PARVB: variants seen among roughly 807,000 people sequenced by gnomAD.
PARVB encodes beta-parvin.
In PARVB, 46 loss-of-function variants were observed where a neutral mutation model predicts 47.0. The ratio of observed to expected loss-of-function variants is 0.98; its 90% confidence interval spans 0.77 to 1.25. The LOEUF is 1.25. Ranked by LOEUF, PARVB falls within the 50% of genes most tolerant of loss-of-function variation. The probability of loss-of-function intolerance (pLI) is 0.00; values close to 1 mark genes in which losing one functional copy is unlikely to be tolerated. For synonymous variants in PARVB, 196 were observed against 196.3 expected (o/e 1.00, Z 0.01); for missense variants, 473 against 471.6 (o/e 1.00, Z -0.03).
At chr22:44,160,937 G>A (rs80209607) in intron 11 of PARVB, among the ~76,000 whole-genome samples, 7 of 152,312 alleles carry the variant, frequency 4.6e-5, no homozygotes, top group Admixed American at 1.3e-4. Context: ...CTCCCTCAGC[G>A]TGGAAGAGGA....
rs944631274 is a variant in PARVB, at chr22:44,049,542, G to A, written c.112+25091G>A. On this transcript the variant is annotated intron_variant, in intron 1 of 12. Transcript: ENST00000338758. This position sits in a 1 kb window ranked among gnomAD's most constrained non-coding sequence, Gnocchi z 4.0. ...AGAGGATGCACTGCGTGCAGGCTGC[G>A]GCTCGAGGTCAATCAGATTCCTCCA... Among the ~76,000 whole-genome samples, 9 of 152,232 alleles carry A rather than the reference G, an allele frequency of 5.9e-5. No homozygotes were observed. Among genetic ancestry groups the A allele is most frequent in the East Asian group, 3.8e-4 (2 of 5,200 alleles).
At chr22:44,022,442 G>A (rs539651101), upstream of PARVB, among the ~76,000 whole-genome samples, 1 of 152,192 alleles carries the variant, frequency 6.6e-6, no homozygotes, top group South Asian at 2.1e-4. Flanking sequence ...CACGCTACAC[G>A]GCCACTGTGT....
intron 2 of PARVB, among the ~76,000 whole-genome samples, chr22:44,005,891 C>A (rs1294058236): frequency 6.6e-6 from 1 of 152,212 alleles, no homozygotes; most frequent in Non-Finnish European, 1.5e-5. Flanking sequence ...ACTTCTGTTT[C>A]AATATATCTG....
chr22:44,015,239 G>A (rs2050563739), intron 2 of PARVB, among the ~76,000 whole-genome samples: 1 of 151,996 alleles, frequency 6.6e-6, no homozygotes, highest in African/African-American at 2.4e-5. Flanking sequence ...GACAGATAGT[G>A]AGGGTGAAAG....
intron 9 of PARVB, chr22:44,151,079 C>A (rs2053797103): frequency 6.6e-6 from 1 of 152,092 alleles, no homozygotes; most frequent in Non-Finnish European, 1.4e-5. Context: ...TGGCTCAAGG[C>A]AGCACTTTCC....
chr22:44,093,480 A>G (rs1281963476), intron 1 of PARVB, among the ~76,000 whole-genome samples: 1 of 152,052 alleles, frequency 6.6e-6, no homozygotes, highest in Non-Finnish European at 1.5e-5. Context: ...CTCCAGATTC[A>G]CCTGTATGCA....
intron 8 of PARVB, chr22:44,140,484 C>G (rs776819999): frequency 6.4e-6 from 4 of 629,334 alleles, no homozygotes; most frequent in Admixed American, 5.5e-5. Flanking sequence ...GGAGGAGAGG[C>G]AGCCAGCACA....
chr22:44,018,979 A>G (rs190240324), intron 2 of PARVB, among the ~76,000 whole-genome samples: 3 of 152,338 alleles, frequency 2.0e-5, no homozygotes, highest in Admixed American at 6.5e-5. Flanking sequence ...GTGCAATGGC[A>G]TGATCTTGGC....
intron 10 of PARVB, chr22:44,152,254 A>G (rs2053827221): frequency 1.3e-5 from 2 of 150,964 alleles, no homozygotes; most frequent in African/African-American, 2.4e-5. Context: ...GGTTCCAACC[A>G]TTCTCCTGCC....
intron 1 of PARVB, among the ~76,000 whole-genome samples, chr22:44,024,848 C>T (rs2050702635): frequency 6.6e-6 from 1 of 152,166 alleles, no homozygotes; most frequent in Admixed American, 6.5e-5. Flanking sequence ...TGGGCAGACA[C>T]GGCCTGGGGG....
At chr22:44,163,482 A>T (rs1338446109) in intron 11 of PARVB, among the ~76,000 whole-genome samples, 2 of 152,084 alleles carry the variant, frequency 1.3e-5, no homozygotes, top group African/African-American at 4.8e-5. Context: ...AAAAAACGTA[A>T]ATAAATAAAT....
chr22:44,091,254 G>GGTT (rs2052159218), intron 1 of PARVB, among the ~76,000 whole-genome samples: 1 of 150,106 alleles, frequency 6.7e-6, no homozygotes, highest in Non-Finnish European at 1.5e-5. Flanking sequence ...CTGGAATGTG[G>GGTT]GTTACCTGGA....
intron 2 of PARVB, among the ~76,000 whole-genome samples, chr22:44,098,327 TCC>T (rs1461033365): frequency 4.6e-5 from 7 of 152,058 alleles, no homozygotes; most frequent in Non-Finnish European, 8.8e-5. Flanking sequence ...GCACACAAAG[TCC>T]TCTTTGGGGC....
intron 1 of PARVB, among the ~76,000 whole-genome samples, chr22:44,078,537 A>G (rs2051827576): frequency 6.6e-6 from 1 of 152,146 alleles, no homozygotes; most frequent in African/African-American, 2.4e-5. Flanking sequence ...GACCCTGTCA[A>G]TCACATCGGG....
chr22:44,140,251 T>G, intron 8 of PARVB, 108 bp downstream of exon 8: 2 of 1,075,264 alleles, frequency 1.9e-6, no homozygotes, highest in Non-Finnish European at 2.9e-6. Flanking sequence ...ACTAGATGGG[T>G]CTCACTGCCC....
chr22:44,040,834 T>G (rs946481668), intron 1 of PARVB, among the ~76,000 whole-genome samples: 1 of 151,760 alleles, frequency 6.6e-6, no homozygotes, highest in Non-Finnish European at 1.5e-5. Context: ...AAACCCCGTC[T>G]CTACTAAAAA....
intron 4 of PARVB, among the ~76,000 whole-genome samples, chr22:44,126,315 C>T (rs1288333020): frequency 6.6e-6 from 1 of 152,210 alleles, no homozygotes; most frequent in African/African-American, 2.4e-5. Context: ...CTGAAATGTT[C>T]ATCAAGATTG....
chr22:44,026,233 T>C (rs1292290696), intron 1 of PARVB: 19 of 785,788 alleles, frequency 2.4e-5, no homozygotes, highest in Non-Finnish European at 2.8e-5. Context: ...TTGATGTGTG[T>C]CTAGAAAATT....
intron 1 of PARVB, among the ~76,000 whole-genome samples, chr22:44,062,730 G>A (rs1322486490): frequency 6.6e-6 from 1 of 152,208 alleles, no homozygotes; most frequent in African/African-American, 2.4e-5. Context: ...GAGCAGAACA[G>A]GAGGAGGCAC....
Sources: gnomAD v4.1 joint callset for allele counts (sites outside exome capture counted in the v4.1 genomes callset) on GRCh38, gnomAD v4.1.1 for gene constraint, Gnocchi (gnomAD v3.1) non-coding constraint, MANE v1.5 for transcripts, NCBI Gene and HGNC (gene_info 2026-07-23, HGNC 2026-07-21) for gene names.